Variants in RFX7 observed in about 807,000 individuals in gnomAD.
The protein encoded by RFX7 is DNA-binding protein RFX7.
Under a neutral mutation model 111.8 loss-of-function variants are expected in RFX7, and 26 were observed. The ratio of observed to expected loss-of-function variants is 0.23; its 90% confidence interval spans 0.17 to 0.32. The LOEUF is 0.32. RFX7 is among the 10% of genes least tolerant of loss of function. The probability of loss-of-function intolerance (pLI) is 1.00; values close to 1 mark genes in which losing one functional copy is unlikely to be tolerated. For synonymous variants in RFX7, 624 were observed against 624.4 expected (o/e 1.00, Z 0.01); for missense variants, 1,573 against 1,772.9 (o/e 0.89, Z 2.02).
intron 3 of RFX7, among the ~76,000 whole-genome samples, chr15:56,154,081 C>T (rs370300194): frequency 3.7e-4 from 57 of 152,016 alleles, no homozygotes; most frequent in Admixed American, 5.2e-4. Context: ...TTACAAGGGA[C>T]GTGAAGGATT....
intron 5 of RFX7, among the ~76,000 whole-genome samples, chr15:56,129,955 C>T (rs2042191382): frequency 1.3e-5 from 2 of 152,134 alleles, no homozygotes; most frequent in Non-Finnish European, 1.5e-5. Flanking sequence ...TGAAAACTCC[C>T]TATCCTGTAA....
Position 56,093,476 on chromosome 15 carries a change from C to G in RFX7, c.4252G>C (p.Ala1418Pro). 1 of 1,613,882 alleles carries G rather than the reference C, an allele frequency of 6.2e-7. No homozygotes were observed. The highest frequency in any genetic ancestry group is 8.5e-7 in the Non-Finnish European group (1 of 1,179,840). ...TCATTCTTTAATTCTTCCAGTGTAG[C>G]TTCATCATCTTGTCCCTGCTGACGA... ...PGRQQGQDDE[A>P]TLEELKNDPL... The change falls in exon 10 of 10, where the codon GCT (alanine) becomes CCT (proline). Residue 1418 changes from alanine to proline, a missense_variant. Around this residue, in one of 7 missense-constraint regions of RFX7, gnomAD observed 411 missense variants for 478.1 expected, o/e 0.86. Coordinates refer to ENST00000559447, the MANE Select transcript of RFX7 (RefSeq NM_022841.7).
At chr15:56,188,802 T>C (rs1374208014) in intron 2 of RFX7, among the ~76,000 whole-genome samples, 1 of 152,184 alleles carries the variant, frequency 6.6e-6, no homozygotes, top group Non-Finnish European at 1.5e-5. Flanking sequence ...CTGACAAAGA[T>C]TTCTTAGGGT....
rs555690469 is a variant in RFX7 at position 56,215,237 on chromosome 15, T to TA, written c.161+27887dup. ...TATGTAAATAGCTGTATCATGTTTT[T>TA]AAAATCTGTATTATTATTGTATCAT... On this transcript the variant is annotated intron_variant, in intron 2 of 9. Transcript: ENST00000559447. Among the ~76,000 whole-genome samples, 55 of 152,352 alleles carry TA rather than the reference T, an allele frequency of 3.6e-4. No individual in the cohort carries two copies. In the East Asian group the frequency reaches 9.4e-3, roughly 26 times the overall value.
intron 2 of RFX7, among the ~76,000 whole-genome samples, chr15:56,205,209 G>C (rs1174482812): frequency 2.0e-5 from 3 of 152,170 alleles, no homozygotes; most frequent in Non-Finnish European, 2.9e-5. Context: ...TAACACTTTA[G>C]TTTTCAGAGC....
intron 2 of RFX7, among the ~76,000 whole-genome samples, chr15:56,194,647 G>A (rs1185351497): frequency 6.6e-6 from 1 of 151,506 alleles, no homozygotes; most frequent in East Asian, 1.9e-4. Flanking sequence ...AATAATAATA[G>A]TCATAATAGT....
intron 2 of RFX7, among the ~76,000 whole-genome samples, chr15:56,215,100 A>T (rs1383012766): frequency 1.3e-5 from 2 of 152,232 alleles, no homozygotes; most frequent in Non-Finnish European, 2.9e-5. Context: ...CATGATCTGC[A>T]GATGCTTACA....
intron 2 of RFX7, among the ~76,000 whole-genome samples, chr15:56,203,615 C>T (rs1430689800): frequency 6.6e-6 from 1 of 152,102 alleles, no homozygotes; most frequent in African/African-American, 2.4e-5. Context: ...TCATAAAGAC[C>T]TTGCTGATAA....
chr15:56,243,432 G>A lies in RFX7; in HGVS notation c.-3+13C>T. The A allele has an allele frequency of 2.6e-6, 3 of 1,143,042 alleles. No individual in the cohort carries two copies. Among genetic ancestry groups the A allele is most frequent in the East Asian group, 8.0e-5 (1 of 12,454 alleles). The allele number at this position is 1,143,042 out of a possible 1,614,324, so 70.8% of individuals were successfully genotyped here. On this transcript the variant is annotated intron_variant, in intron 1 of 9. Coordinates refer to ENST00000559447, the MANE Select transcript of RFX7 (RefSeq NM_022841.7). ...GAGGAGGAGGAAGGAAGCTGGATAAGCTAGGCCTTTACCCCAGGGCTCGAG... is the reference window on the plus strand; with the variant it reads ...GAGGAGGAGGAAGGAAGCTGGATAAACTAGGCCTTTACCCCAGGGCTCGAG...
intron 3 of RFX7, among the ~76,000 whole-genome samples, chr15:56,176,071 C>G (rs746188411): frequency 6.6e-6 from 1 of 151,688 alleles, no homozygotes; most frequent in South Asian, 2.1e-4. Flanking sequence ...TGTTTAAACA[C>G]GCAAAGAAAA....
chr15:56,095,523 A>G lies in RFX7; in HGVS notation c.2205T>C (p.Ser735=). ...HIGANQPLNS[S]ALVISDSALE... ...AAGCTGAATCACTGATAACAAGGGC[A>G]GAGGAATTCAAGGGTTGATTTGCTC... is the stretch of plus-strand genomic sequence containing the variant. Residue 735 remains serine, a synonymous_variant, in exon 10 of 10, where the codon TCT becomes TCC. Transcript: ENST00000559447. The G allele has an allele frequency of 6.2e-7, 1 of 1,613,516 alleles. No individual in the cohort carries two copies. The highest frequency in any genetic ancestry group is 8.5e-7 in the Non-Finnish European group (1 of 1,179,860).
rs2041574666 is a variant in RFX7 at position 56,089,847 on chromosome 15, A to G, written c.*3498T>C. 6.6e-6 allele frequency: 1 copy of G among 152,060 alleles called. No homozygotes were observed. Among genetic ancestry groups the G allele is most frequent in the African/African-American group, 2.4e-5 (1 of 41,382 alleles). The allele number at this position is 152,060 out of a possible 1,614,324, so 9.4% of individuals were successfully genotyped here. ...TGTAATTGCTTCTACCACCTGTTCA[A>G]ACTGAGGGCTCCAGATCTATGGTGA... On this transcript the variant is annotated 3_prime_UTR_variant, in exon 10 of 10. Transcript: ENST00000559447.
chr15:56,229,110 A>G (rs890751347), intron 2 of RFX7, among the ~76,000 whole-genome samples: 2 of 152,148 alleles, frequency 1.3e-5, no homozygotes, highest in Non-Finnish European at 2.9e-5. Flanking sequence ...AGCAATTTAA[A>G]ACTCACAAAT....
At chr15:56,231,649 T>C (rs1178207630) in intron 2 of RFX7, among the ~76,000 whole-genome samples, 3 of 152,138 alleles carry the variant, frequency 2.0e-5, no homozygotes, top group East Asian at 1.9e-4. Context: ...TCAAATCTCA[T>C]GTCCTCACAT....
chr15:56,230,311 T>C (rs959664606), intron 2 of RFX7, among the ~76,000 whole-genome samples: 1 of 152,232 alleles, frequency 6.6e-6, no homozygotes, highest in Non-Finnish European at 1.5e-5. Context: ...ATGGCTTTCA[T>C]TTGGAACACA....
intron 5 of RFX7, among the ~76,000 whole-genome samples, chr15:56,139,939 G>A (rs1338704265): frequency 6.6e-6 from 1 of 152,210 alleles, no homozygotes; most frequent in Non-Finnish European, 1.5e-5. Flanking sequence ...GGGGTCAGGG[G>A]CCAGGGACCC....
At chr15:56,109,870 T>C (rs1268483397) in intron 5 of RFX7, among the ~76,000 whole-genome samples, 1 of 150,112 alleles carries the variant, frequency 6.7e-6, no homozygotes, top group Non-Finnish European at 1.5e-5. Context: ...GTCTGGGAAG[T>C]GAGGAGTGTC....
chr15:56,231,621 C>T (rs1430254580), intron 2 of RFX7, among the ~76,000 whole-genome samples: 2 of 151,938 alleles, frequency 1.3e-5, no homozygotes, highest in African/African-American at 4.8e-5. Context: ...CAAACCATTT[C>T]ATTCCACCCT....
Position 56,231,099 on chromosome 15 carries a change from G to A in RFX7, c.161+12026C>T, listed in dbSNP as rs555591615. On this transcript the variant is annotated intron_variant, in intron 2 of 9. Transcript: ENST00000559447. ...ATATAAGGCAAACAGTGAGATGCCT[G>A]AGGGACTGAAGTGGATGTTGAATGC... 3.9e-5 allele frequency among the ~76,000 whole-genome samples: 6 copies of A among 152,316 alleles called. No individual in the cohort carries two copies. In the South Asian group the frequency reaches 1.2e-3, roughly 32 times the overall value.
Sources: allele counts gnomAD v4.1 joint callset (sites outside exome capture counted in the v4.1 genomes callset), GRCh38; gene constraint gnomAD v4.1.1; regional missense constraint gnomAD v4.1.1; transcripts MANE v1.5; gene names NCBI Gene and HGNC (gene_info 2026-07-23, HGNC 2026-07-21).